The following CFL1 variants were observed in gnomAD, a reference collection of about 807,000 sequenced individuals.
The protein encoded by CFL1 is cofilin 1, also known as cofilin-1.
Under a neutral mutation model 16.3 loss-of-function variants are expected in CFL1, and 2 were observed. The observed-to-expected ratio is 0.12, with a 90% CI of 0.05 to 0.39. The LOEUF (loss-of-function observed/expected upper bound fraction) is 0.39, where lower values mean the gene tolerates loss of function less well. CFL1 is among the 10% of genes least tolerant of loss of function. The probability of loss-of-function intolerance (pLI) is 0.99; values close to 1 mark genes in which losing one functional copy is unlikely to be tolerated. For synonymous variants in CFL1, 111 were observed against 84.4 expected, an observed-to-expected ratio of 1.31 and a Z score of -1.73; for missense variants, 75 against 212.2, an observed-to-expected ratio of 0.35 and a Z score of 4.02.
In CFL1 at chr11:65,857,479, T is replaced by A. The variant is rs995321573; in HGVS notation, c.3+618A>T. The A allele has an allele frequency of 7.5e-6, 3 of 397,782 alleles. No individual in the cohort carries two copies. The Admixed American group carries it at 7.8e-5, about 10-fold the overall frequency. The allele number at this position is 397,782 out of a possible 1,614,324, so 24.6% of individuals were successfully genotyped here. On this transcript the variant is annotated intron_variant, in intron 1 of 3. Transcript: ENST00000308162. ...GCGCTCCCGAACGGGCCGCGGTCTC[T>A]GCGATGCCCCCTCCAAGCCTTGCGG... is the stretch of plus-strand genomic sequence containing the variant.
rs11550156 is a variant in CFL1 at position 65,856,056 on chromosome 11, C to T, written c.190G>A (p.Val64Ile). The T allele has an allele frequency of 6.2e-7, 1 of 1,614,144 alleles. No homozygotes were observed. Among genetic ancestry groups the T allele is most frequent in the African/African-American group, 1.3e-5 (1 of 75,014 alleles). The change falls in exon 2 of 4, where the codon GTC (valine) becomes ATC (isoleucine). Residue 64 changes from valine (V) to isoleucine (I), a missense_variant. By Grantham distance (29) the Val-to-Ile change is conservative (BLOSUM62 3). Coordinates refer to ENST00000308162, the MANE Select transcript of CFL1 (RefSeq NM_005507.3). ...ACAAAGGTGGCGTAGGGGTCGTCGA[C>T]AGTCTGGCCCACATCGCCCACCAGG... ...EILVGDVGQT[V>I]DDPYATFVKM...
At position 65,855,937 on chromosome 11, in the gene CFL1, G is replaced by T; in HGVS notation, c.309C>A (p.Phe103Leu). The change falls in exon 2 of 4, where the codon TTC becomes TTA. Residue 103 changes from phenylalanine (F) to leucine (L), a missense_variant and splice_region_variant. Physicochemically the swap from Phe to Leu is conservative, Grantham distance 22. Coordinates refer to ENST00000308162, the MANE Select transcript of CFL1 (RefSeq NM_005507.3). ...AAGAAGTGCCAGAATGAGCTCACCA[G>T]AAGATAAACACCAGATCCTCCTTCT... ...ESKKEDLVFI[F>L]WAPESAPLKS... 6.2e-7 allele frequency: 1 copy of T among 1,609,486 alleles called. No individual in the cohort carries two copies. The highest frequency in any genetic ancestry group is 1.1e-5 in the South Asian group (1 of 90,998).
intron 2 of CFL1, 74 bp from the exon 3 acceptor site, chr11:65,855,804 G>A: frequency 1.3e-6 from 2 of 1,507,058 alleles, no homozygotes; most frequent in Non-Finnish European, 1.8e-6. Flanking sequence ...CCCTTGGGCT[G>A]GCAGTGAGGA....
In CFL1 at chr11:65,855,356, G is replaced by C. The variant is rs1273894413; in HGVS notation, c.481C>G (p.Leu161Val). The C allele has an allele frequency of 6.2e-7, 1 of 1,611,790 alleles. No individual in the cohort carries two copies. Among genetic ancestry groups the C allele is most frequent in the Non-Finnish European group, 8.5e-7 (1 of 1,179,782 alleles). ...GGGGCTCACAAAGGCTTGCCCTCCA[G>C]GGAGATGACGGCACTGCCCCCCAGC... ...EKLGGSAVIS[L>V]EGKPL The change falls in exon 4 of 4, where the codon CTG becomes GTG. Residue 161 changes from leucine (L) to valine (V), a missense_variant. Coordinates refer to ENST00000308162, the MANE Select transcript of CFL1 (RefSeq NM_005507.3).
intron 3 of CFL1, 30 bp downstream of exon 3, chr11:65,855,624 A>AG: frequency 6.4e-7 from 1 of 1,562,374 alleles, no homozygotes; most frequent in Non-Finnish European, 8.7e-7. Context: ...CCAGAGCAGA[A>AG]GGGCACTCAG....
rs535777518 is a variant in CFL1, at chr11:65,855,056, C to G, written c.*280G>C. ...GGGATGTTGTTAAAAAAAATACAGG[C>G]TCCCCCACAACTGGGGTGCCTGGGG... On this transcript the variant is annotated 3_prime_UTR_variant, in exon 4 of 4. Coordinates refer to ENST00000308162, the MANE Select transcript of CFL1 (RefSeq NM_005507.3). 2.5e-6 allele frequency: 1 copy of G among 404,238 alleles called. No homozygotes were observed. The highest frequency in any genetic ancestry group is 2.0e-5 in the African/African-American group (1 of 49,336). 25.0% of individuals were successfully genotyped at this position (404,238 alleles called of 1,614,324 possible). A position where few individuals can be genotyped will look rare whatever the true frequency, so the allele number is the denominator to read the frequency against.
intron 1 of CFL1, chr11:65,856,475 G>C (rs973604494): frequency 3.9e-6 from 2 of 515,816 alleles, no homozygotes; most frequent in East Asian, 3.3e-5. Flanking sequence ...TTACAGGATA[G>C]AAATGCAAAA....
At chr11:65,855,557 C>G in intron 3 of CFL1, 97 bp downstream of exon 3, 1 of 1,552,992 alleles carries the variant, frequency 6.4e-7, no homozygotes, top group South Asian at 1.1e-5. Flanking sequence ...AAGCAGGCAG[C>G]GAAGACAAGG....
At chr11:65,855,839 C>A in intron 2 of CFL1, 96 bp downstream of exon 2, 1 of 1,513,682 alleles carries the variant, frequency 6.6e-7, no homozygotes, top group Non-Finnish European at 9.0e-7. Context: ...CCCCCTCCCC[C>A]TCCAAACCCA....
intron 3 of CFL1, 75 bp from the exon 4 acceptor site, chr11:65,855,523 C>T: frequency 6.4e-7 from 1 of 1,563,178 alleles, no homozygotes; most frequent in Non-Finnish European, 8.8e-7. Flanking sequence ...TGGGAAGGAG[C>T]CAATCAAAGC....
rs1292788426 is a variant in CFL1 at position 65,854,861 on chromosome 11, G to A, written c.*475C>T. 1 of 153,830 alleles carries A rather than the reference G, an allele frequency of 6.5e-6. No homozygotes were observed. Among genetic ancestry groups the A allele is most frequent in the Non-Finnish European group, 1.4e-5 (1 of 69,074 alleles). 9.5% of individuals were successfully genotyped at this position (153,830 alleles called of 1,614,324 possible). On this transcript the variant is annotated 3_prime_UTR_variant, in exon 4 of 4. Coordinates refer to ENST00000308162, the MANE Select transcript of CFL1 (RefSeq NM_005507.3). ...TAATCGAAGGTCCCTTACTGGTCCT[G>A]CTTCCATGAGTAGCCGTGACCAGGG... is the stretch of plus-strand genomic sequence containing the variant.
intron 1 of CFL1, chr11:65,857,355 C>T: frequency 7.9e-6 from 3 of 380,430 alleles, no homozygotes; most frequent in Non-Finnish European, 1.6e-5. Flanking sequence ...CCCAGGGCTT[C>T]GGCACCGGCG....
In CFL1 at chr11:65,858,120, G is replaced by C; in HGVS notation, c.-21C>G. 6.5e-7 allele frequency: 1 copy of C among 1,527,040 alleles called. No individual in the cohort carries two copies. Among genetic ancestry groups the C allele is most frequent in the South Asian group, 1.2e-5 (1 of 81,694 alleles). 94.6% of individuals were successfully genotyped at this position (1,527,040 alleles called of 1,614,324 possible). ...ACCATGTTTCCGGAAACGAAAAGGA[G>C]AGGGCACCGAGAGCCGCAGAAGACG... On this transcript the variant is annotated 5_prime_UTR_variant, in exon 1 of 4. Transcript: ENST00000308162.
rs1259890625 is a variant in CFL1, at chr11:65,855,057, TC to T, written c.*278del. 1.2e-5 allele frequency: 5 copies of T among 403,860 alleles called. No individual in the cohort carries two copies. Among genetic ancestry groups the T allele is most frequent in the Non-Finnish European group, 2.3e-5 (5 of 216,654 alleles). The allele number at this position is 403,860 out of a possible 1,614,324, so 25.0% of individuals were successfully genotyped here. On this transcript the variant is annotated 3_prime_UTR_variant, in exon 4 of 4. Coordinates refer to ENST00000308162, the MANE Select transcript of CFL1 (RefSeq NM_005507.3). ...GGATGTTGTTAAAAAAAATACAGGC[TC>T]CCCCACAACTGGGGTGCCTGGGGGG...
rs1190270008 is a variant in CFL1 at position 65,855,655 on chromosome 11, T to C, written c.387A>G (p.Thr129=). 2 of 1,568,378 alleles carry C rather than the reference T, an allele frequency of 1.3e-6. No homozygotes were observed. The highest frequency in any genetic ancestry group is 1.7e-6 in the Non-Finnish European group (2 of 1,158,340). The change falls in exon 3 of 4, where the codon ACA becomes ACG. Residue 129 remains threonine, a splice_region_variant and synonymous_variant. Coordinates refer to ENST00000308162, the MANE Select transcript of CFL1 (RefSeq NM_005507.3). ...SSKDAIKKKL[T]GIKHELQANC... ...CTCAGCACCAATGCTGGCCCTTACC[T>C]GTCAGCTTCTTCTTGATGGCGTCCT...
intron 1 of CFL1, chr11:65,857,296 T>C: frequency 6.7e-6 from 2 of 300,418 alleles, no homozygotes; most frequent in Non-Finnish European, 1.4e-5. Context: ...GTCACTTCCC[T>C]AAACTCGGCT....
At chr11:65,857,497 C>A (rs1859409278) in intron 1 of CFL1, 6 of 378,890 alleles carry the variant, frequency 1.6e-5, no homozygotes, top group Middle Eastern at 7.7e-4. Context: ...CCCCTCCAAG[C>A]CTTGCGGTGC....
At chr11:65,857,907 T>A (rs893755001) in intron 1 of CFL1, 190 bp downstream of exon 1, 1 of 433,052 alleles carries the variant, frequency 2.3e-6, no homozygotes, top group African/African-American at 2.1e-5. Flanking sequence ...GCGAGCGACG[T>A]CCAGACCGGC....
chr11:65,857,563 A>G (rs1007179496), intron 1 of CFL1: 1 of 224,626 alleles, frequency 4.5e-6, no homozygotes, highest in South Asian at 3.2e-5. Flanking sequence ...TCCCAGCATC[A>G]CCCCTCGCCG....
Sources: allele counts gnomAD v4.1 joint callset, GRCh38; gene constraint gnomAD v4.1.1; transcripts MANE v1.5; gene names NCBI Gene and HGNC (gene_info 2026-07-23, HGNC 2026-07-21).